The following AP3D1 variants were observed in gnomAD, a reference collection of about 807,000 sequenced individuals.
AP3D1 encodes adaptor related protein complex 3 subunit delta 1.
AP3D1 carries 51 observed loss-of-function variants against 147.6 expected under a neutral mutation model. The ratio of observed to expected loss-of-function variants is 0.35; its 90% CI spans 0.28 to 0.44. The LOEUF (loss-of-function observed/expected upper bound fraction) is 0.44. Among genes scored for constraint, AP3D1 ranks in the 20% least tolerant of loss-of-function variants. AP3D1 has a pLI of 1.00. For missense variants in AP3D1, 1,421 were observed against 1,624.2 expected (o/e 0.87, Z 2.15); for synonymous variants, 760 against 663.0 (o/e 1.15, Z -2.25).
At chr19:2,137,623 T>G (rs2019111217) in intron 3 of AP3D1, 104 bp downstream of exon 3, 1 of 1,010,742 alleles carries the variant, frequency 9.9e-7, no homozygotes, top group African/African-American at 1.6e-5. Context: ...GTAACAGAGC[T>G]AGACTCTGTC....
rs1402721743 is a variant in AP3D1, at chr19:2,118,714, G to A, written c.1600C>T (p.Leu534=). ...TCCCCGGCCTGCTCCTTCTGCTGCA[G>A]GATGGAGGCGTAGAGCTTGACCACG... is the stretch of plus-strand genomic sequence containing the variant. ...QNVVKLYASI[L]QQKEQAGEAE... Residue 534 remains leucine, a synonymous_variant, in exon 15 of 32, where the codon CTG becomes TTG. Coordinates refer to ENST00000643116, the MANE Select transcript of AP3D1 (RefSeq NM_001261826.3). The A allele has an allele frequency of 6.2e-7, 1 of 1,613,652 alleles. No individual in the cohort carries two copies. Among genetic ancestry groups the A allele is most frequent in the Non-Finnish European group, 8.5e-7 (1 of 1,180,018 alleles).
At chr19:2,134,417 T>C (rs1011252124) in intron 4 of AP3D1, among the ~76,000 whole-genome samples, 10 of 145,116 alleles carry the variant, frequency 6.9e-5, no homozygotes, top group Non-Finnish European at 1.3e-4. Context: ...CAAAACCCTG[T>C]CTCAAAAAAA....
chr19:2,140,142 G>A (rs2019181544), intron 1 of AP3D1, among the ~76,000 whole-genome samples: 1 of 152,082 alleles, frequency 6.6e-6, no homozygotes, highest in Non-Finnish European at 1.5e-5. Flanking sequence ...CTGCTCAAAG[G>A]GTCAGGACTG....
intron 1 of AP3D1, among the ~76,000 whole-genome samples, chr19:2,149,203 G>A (rs900009345): frequency 6.6e-6 from 1 of 152,014 alleles, no homozygotes; most frequent in Non-Finnish European, 1.5e-5. Flanking sequence ...CCAATGGCAG[G>A]GCCAATGAGG....
chr19:2,164,299 G>T, intron 1 of AP3D1: 1 of 1,235,838 alleles, frequency 8.1e-7, no homozygotes, highest in East Asian at 3.2e-5. Flanking sequence ...CTACCTCCCG[G>T]CCTCCCCTCC....
intron 4 of AP3D1, among the ~76,000 whole-genome samples, chr19:2,135,118 T>C (rs1403564618): frequency 6.6e-6 from 1 of 152,032 alleles, no homozygotes; most frequent in Non-Finnish European, 1.5e-5. Context: ...GGAGAATTGC[T>C]TGAACCTGGG....
chr19:2,108,274 C>T (rs565987711), intron 31 of AP3D1, among the ~76,000 whole-genome samples: 4 of 152,378 alleles, frequency 2.6e-5, no homozygotes, highest in South Asian at 4.1e-4. Context: ...GCAGTCGACA[C>T]ACTGCGAAGA....
chr19:2,129,305 G>T lies in AP3D1; in HGVS notation c.732+13C>A. The T allele has an allele frequency of 1.2e-6, 2 of 1,613,532 alleles. No individual in the cohort carries two copies. Among genetic ancestry groups the T allele is most frequent in the Non-Finnish European group, 1.7e-6 (2 of 1,179,958 alleles). On this transcript the variant is annotated intron_variant, in intron 7 of 31. Transcript: ENST00000643116. ...CACAGGGTGAGGAGGCCACATTCCC[G>T]GGCAGTACTTGCCAGCTTGATGATC...
At position 2,116,789 on chromosome 19, in the gene AP3D1, G is replaced by A. The variant is rs750381482; in HGVS notation, c.1860-43C>T. On this transcript the variant is annotated intron_variant, in intron 16 of 31. Coordinates refer to ENST00000643116, the MANE Select transcript of AP3D1 (RefSeq NM_001261826.3). The stretch of plus-strand genomic sequence containing the variant: ...GCCACACAAGGCAGTGTGTGACCGA[G>A]CACGCGCCTGCAGGCGTCCGCCCTG... 14 of 1,553,756 alleles carry A rather than the reference G, an allele frequency of 9.0e-6. No individual in the cohort carries two copies. The African/African-American group carries it at 1.6e-4, about 18-fold the overall frequency.
rs2018479484 is a variant in AP3D1, at chr19:2,117,166, C to T, written c.1859+56G>A. 3 of 1,525,440 alleles carry T rather than the reference C, an allele frequency of 2.0e-6. No homozygotes were observed. In the East Asian group the frequency reaches 7.0e-5, roughly 36 times the overall value. 94.5% of individuals were successfully genotyped at this position (1,525,440 alleles called of 1,614,324 possible). A position where few individuals can be genotyped will look rare whatever the true frequency, so the allele number is the denominator to read the frequency against. On this transcript the variant is annotated intron_variant, in intron 16 of 31. Transcript: ENST00000643116. ...CAGGAGCCCCCGCTGTGCCACCAGGCATCAAGGGACCATGTCAGGGCCATG... is the reference window on the plus strand; with the variant it reads ...CAGGAGCCCCCGCTGTGCCACCAGGTATCAAGGGACCATGTCAGGGCCATG...
intron 7 of AP3D1, 37 bp downstream of exon 7, chr19:2,129,281 A>G (rs1198478441): frequency 1.9e-6 from 3 of 1,609,148 alleles, no homozygotes; most frequent in Non-Finnish European, 2.5e-6. Flanking sequence ...AATGCCCCAC[A>G]CAGGGTGAGG....
chr19:2,138,706 G>A lies in AP3D1; in HGVS notation c.105C>T (p.Tyr35=). The A allele has an allele frequency of 1.2e-6, 2 of 1,612,002 alleles. No individual in the cohort carries two copies. The highest frequency in any genetic ancestry group is 1.7e-6 in the Non-Finnish European group (2 of 1,179,082). The change falls in exon 2 of 32, where the codon TAC becomes TAT. Residue 35 remains tyrosine (Y), a synonymous_variant. Transcript: ENST00000643116. ...TGATCTCATCAATGCACTGAGATATGTATTTTGCCTATAATGGGGGATAAA... is the reference window on the plus strand; with the variant it reads ...TGATCTCATCAATGCACTGAGATATATATTTTGCCTATAATGGGGGATAAA... ...IRNHKEDEAK[Y]ISQCIDEIKQ...
intron 18 of AP3D1, among the ~76,000 whole-genome samples, chr19:2,115,959 C>T (rs890163388): frequency 3.3e-5 from 5 of 152,264 alleles, no homozygotes; most frequent in Non-Finnish European, 2.9e-5. Flanking sequence ...TGCCCACGAC[C>T]GTGGGGTCAG....
chr19:2,107,247 G>A (rs1385761093), intron 31 of AP3D1, among the ~76,000 whole-genome samples: 1 of 148,234 alleles, frequency 6.7e-6, no homozygotes, highest in Admixed American at 6.7e-5. Context: ...GCGACAGAGT[G>A]AGACTCCATC....
In AP3D1 at chr19:2,102,188, C is replaced by A; in HGVS notation, c.3633G>T (p.Thr1211=). Residue 1211 remains threonine (T), a synonymous_variant, in exon 32 of 32, where the codon ACG becomes ACT. Transcript: ENST00000643116. ...LSNLLEEMKA[T]LAKC is the part of the protein sequence containing the mutation. ...CAGGCAGCTCTCAACACTTGGCCAGCGTCGCCTTCATCTCTTCTAACAAGT... is the reference window on the plus strand; with the variant it reads ...CAGGCAGCTCTCAACACTTGGCCAGAGTCGCCTTCATCTCTTCTAACAAGT... 1 of 1,613,808 alleles carries A rather than the reference C, an allele frequency of 6.2e-7. No individual in the cohort carries two copies. The highest frequency in any genetic ancestry group is 8.5e-7 in the Non-Finnish European group (1 of 1,179,852).
chr19:2,154,808 T>C (rs922479969), upstream of AP3D1, among the ~76,000 whole-genome samples: 4 of 152,200 alleles, frequency 2.6e-5, no homozygotes, highest in Admixed American at 6.5e-5. Flanking sequence ...TCTATTCATA[T>C]GAGATCATAC....
intron 1 of AP3D1, among the ~76,000 whole-genome samples, chr19:2,161,880 C>T (rs1056603984): frequency 2.0e-5 from 3 of 151,550 alleles, no homozygotes; most frequent in Non-Finnish European, 2.9e-5. Flanking sequence ...ACCTAGGAGG[C>T]GCTGGTTGTA....
At chr19:2,113,219 T>C (rs1157589618) in intron 23 of AP3D1, 117 bp downstream of exon 23, 1 of 657,502 alleles carries the variant, frequency 1.5e-6, no homozygotes, top group Non-Finnish European at 2.6e-6. Context: ...GTCCCACAGG[T>C]GCACGGTGCT....
At chr19:2,130,054 T>C (rs1187942952) in intron 6 of AP3D1, among the ~76,000 whole-genome samples, 2 of 152,060 alleles carry the variant, frequency 1.3e-5, no homozygotes, top group East Asian at 3.9e-4. Flanking sequence ...ACAGCTACAC[T>C]AGGTGGAGGC....
Sources: allele counts gnomAD v4.1 joint callset (sites outside exome capture counted in the v4.1 genomes callset), GRCh38; gene constraint gnomAD v4.1.1; transcripts MANE v1.5; gene names NCBI Gene and HGNC (gene_info 2026-07-23, HGNC 2026-07-21).